Variants in AR observed in about 807,000 individuals in gnomAD.
AR encodes the protein androgen receptor.
Under a neutral mutation model 53.9 loss-of-function variants are expected in AR, and 8 were observed. The ratio of observed to expected loss-of-function variants is 0.15; its 90% confidence interval spans 0.09 to 0.27. The LOEUF is 0.27. AR is among the 10% of genes least tolerant of loss of function. The pLI is 1.00. For missense variants in AR, 639 were observed against 742.5 expected (o/e 0.86, Z 1.62); for synonymous variants, 359 against 316.4 (o/e 1.13, Z -1.43).
intron 3 of AR, among the ~76,000 whole-genome samples, chrX:67,701,571 A>ATGCACCC (rs1221752973): frequency 4.5e-5 from 5 of 111,500 alleles, no homozygotes; most frequent in Non-Finnish European, 7.5e-5. Flanking sequence ...AAAATCTATT[A>ATGCACCC]ATGCCTTCTA....
intron 1 of AR, among the ~76,000 whole-genome samples, chrX:67,594,634 T>C (rs1171684345): frequency 9.0e-6 from 1 of 111,616 alleles, no homozygotes; most frequent in Non-Finnish European, 1.9e-5. Context: ...TCTTCCTACC[T>C]ACTACTGCTA....
chrX:67,684,462 G>A (rs1455609768), intron 2 of AR, among the ~76,000 whole-genome samples: 1 of 111,011 alleles, frequency 9.0e-6, no homozygotes, highest in African/African-American at 3.3e-5. Flanking sequence ...TCCTTTGGGG[G>A]CCTCCGATTC....
chrX:67,561,720 T>C (rs1921315136), intron 1 of AR, among the ~76,000 whole-genome samples: 1 of 111,012 alleles, frequency 9.0e-6, no homozygotes, highest in Admixed American at 9.6e-5. Context: ...CAGACACATT[T>C]GCAATGTATT....
At chrX:67,684,399 ACCCCTAACACAGG>A (rs984352314) in intron 2 of AR, among the ~76,000 whole-genome samples, 23 of 110,585 alleles carry the variant, frequency 2.1e-4, no homozygotes, top group African/African-American at 6.9e-4. Context: ...TATGTTAAAA[ACCCCTAACACAGG>A]CCTGGTTCAT....
At chrX:67,673,998 C>A (rs1602245454) in intron 2 of AR, among the ~76,000 whole-genome samples, 1 of 110,651 alleles carries the variant, frequency 9.0e-6, no homozygotes, top group African/African-American at 3.3e-5. Context: ...TCACTGCAGC[C>A]ATATCTGCTT....
At position 67,723,925 on chromosome X, in the gene AR, T is replaced by C. The variant is rs2147541314; in HGVS notation, c.*84T>C. On this transcript the variant is annotated 3_prime_UTR_variant, in exon 8 of 8. Coordinates refer to ENST00000374690, the MANE Select transcript of AR (RefSeq NM_000044.6). ...CTGTTATAACTCTGCACTACTCCTC[T>C]GCAGTGCCTTGGGGAATTTCCTCTA... 1 of 1,104,643 alleles carries C rather than the reference T, an allele frequency of 9.1e-7. No homozygotes were observed. The allele number at this position is 1,104,643 out of a possible 1,213,427, so 91.0% of individuals were successfully genotyped here.
rs980382024 is a variant in AR at position 67,651,040 on chromosome X, G to A, written c.1768+7633G>A. Among the ~76,000 whole-genome samples, 5 of 108,595 alleles carry A rather than the reference G, an allele frequency of 4.6e-5. No homozygotes were observed. The Admixed American group carries it at 4.9e-4, about 11-fold the overall frequency. 94.3% of individuals were successfully genotyped at this position (108,595 alleles called of 115,157 possible). The stretch of plus-strand genomic sequence containing the variant: ...TTATAGCTTATTGATCATAAATGTG[G>A]CATTTTTTTTTTTTGAGACGGAGTC... On this transcript the variant is annotated intron_variant, in intron 2 of 7. Coordinates refer to ENST00000374690, the MANE Select transcript of AR (RefSeq NM_000044.6).
At chrX:67,580,591 T>C (rs1922253602) in intron 1 of AR, among the ~76,000 whole-genome samples, 1 of 111,746 alleles carries the variant, frequency 8.9e-6, no homozygotes, top group African/African-American at 3.2e-5. Context: ...TGCTTGGCAA[T>C]TCCCATGACT....
intron 1 of AR, among the ~76,000 whole-genome samples, chrX:67,629,006 A>C (rs2147409629): frequency 9.0e-6 from 1 of 111,647 alleles, no homozygotes; most frequent in South Asian, 3.8e-4. Context: ...CATGGTGGAT[A>C]AGCTTTTTGA....
At chrX:67,562,800 C>T (rs1311523491) in intron 1 of AR, among the ~76,000 whole-genome samples, 2 of 111,456 alleles carry the variant, frequency 1.8e-5, no homozygotes, top group African/African-American at 6.5e-5. Context: ...TGGATGACCT[C>T]AGGACAGTAA....
In AR at chrX:67,546,326, G is replaced by T. The variant is rs1304379417; in HGVS notation, c.1180G>T (p.Asp394Tyr). ...TCGCATCAAGCTGGAGAACCCGCTG[G>T]ACTACGGCAGCGCCTGGGCGGCTGC... is the stretch of plus-strand genomic sequence containing the variant. Reference protein sequence around the residue: ...HARIKLENPLDYGSAWAAAAA... With the variant: ...HARIKLENPLYYGSAWAAAAA... Residue 394 changes from aspartate to tyrosine, a missense_variant, in exon 1 of 8, where the codon GAC becomes TAC. Coordinates refer to ENST00000374690, the MANE Select transcript of AR (RefSeq NM_000044.6). 8.4e-7 allele frequency: 1 copy of T among 1,195,658 alleles called. No homozygotes were observed. Among genetic ancestry groups the T allele is most frequent in the South Asian group, 1.8e-5 (1 of 55,098 alleles).
chrX:67,656,718 C>G (rs1926610110), intron 2 of AR, among the ~76,000 whole-genome samples: 1 of 111,080 alleles, frequency 9.0e-6, no homozygotes, highest in South Asian at 3.8e-4. Flanking sequence ...CAACAAACAT[C>G]AAGCATCTGT....
intron 1 of AR, among the ~76,000 whole-genome samples, chrX:67,583,458 A>G (rs1347077991): frequency 9.0e-6 from 1 of 111,647 alleles, no homozygotes; most frequent in African/African-American, 3.3e-5. Flanking sequence ...TTACATTGCC[A>G]TGGGGCTGCA....
intron 1 of AR, among the ~76,000 whole-genome samples, chrX:67,573,596 C>A (rs1162017565): frequency 9.0e-6 from 1 of 111,328 alleles, no homozygotes; most frequent in Non-Finnish European, 1.9e-5. Context: ...ATTTCTATTG[C>A]CTTTTTGAGT....
chrX:67,673,487 T>G (rs1445243369), intron 2 of AR, among the ~76,000 whole-genome samples: 6 of 100,052 alleles, frequency 6.0e-5, no homozygotes, highest in East Asian at 3.0e-4. Context: ...TTTTTTTTTT[T>G]GTCTCTTCTG....
chrX:67,607,335 T>C (rs1402258518), intron 1 of AR, among the ~76,000 whole-genome samples: 1 of 111,937 alleles, frequency 8.9e-6, no homozygotes, highest in Non-Finnish European at 1.9e-5. Context: ...GCCCACACGG[T>C]ATTTTTGAAA....
intron 1 of AR, among the ~76,000 whole-genome samples, chrX:67,603,466 T>A (rs144194125): frequency 3.1e-4 from 35 of 111,374 alleles, no homozygotes; most frequent in Admixed American, 1.6e-3. Flanking sequence ...TGAAGAATAG[T>A]TAGGATTTGA....
At position 67,715,661 on chromosome X, in the gene AR, G is replaced by A. The variant is rs777054923; in HGVS notation, c.2174-1817G>A. On this transcript the variant is annotated intron_variant, in intron 4 of 7. Transcript: ENST00000374690. The stretch of plus-strand genomic sequence containing the variant: ...ACACCTGGGTTCTAGTATTAGTTCA[G>A]CCACATATAAACCATATGACCTTGG... Among the ~76,000 whole-genome samples the A allele has an allele frequency of 2.7e-5, 3 of 112,051 alleles. No homozygotes were observed. The East Asian group carries it at 8.4e-4, about 31-fold the overall frequency.
chrX:67,695,111 G>T, intron 3 of AR: 1 of 768,677 alleles, frequency 1.3e-6, no homozygotes, highest in Non-Finnish European at 1.5e-6. Context: ...CTTGCTTTTC[G>T]TGGTGTGCTG....
Sources: allele counts gnomAD v4.1 joint callset (sites outside exome capture counted in the v4.1 genomes callset), GRCh38; gene constraint gnomAD v4.1.1; transcripts MANE v1.5; gene names NCBI Gene and HGNC (gene_info 2026-07-23, HGNC 2026-07-21).